Variants in CLASP2 observed in about 807,000 individuals in gnomAD.
CLASP2 encodes the protein CLIP-associating protein 2.
A neutral mutation model predicts 194.4 loss-of-function variants in CLASP2; 47 were observed. The observed-to-expected ratio is 0.24, with a 90% confidence interval of 0.19 to 0.31. CLASP2 has a LOEUF of 0.31. Among genes scored for constraint, CLASP2 ranks in the 10% least tolerant of loss-of-function variants. The pLI is 1.00. For missense variants in CLASP2, 1,445 were observed against 1,823.6 expected (o/e 0.79, Z 3.78); for synonymous variants, 619 against 633.5 (o/e 0.98, Z 0.34).
At chr3:33,585,645 G>A (rs2067193320) in intron 21 of CLASP2, among the ~76,000 whole-genome samples, 1 of 152,076 alleles carries the variant, frequency 6.6e-6, no homozygotes, top group South Asian at 2.1e-4. Flanking sequence ...CTTCTCTAGT[G>A]GTGATTTCTG....
At chr3:33,677,759 TG>T (rs1401616228) in intron 6 of CLASP2, among the ~76,000 whole-genome samples, 3 of 148,482 alleles carry the variant, frequency 2.0e-5, no homozygotes, top group Non-Finnish European at 4.5e-5. Flanking sequence ...GCTTGCTGCC[TG>T]AAAAAAAAAA....
chr3:33,538,101 A>C (rs113169506), intron 33 of CLASP2, among the ~76,000 whole-genome samples: 2 of 151,718 alleles, frequency 1.3e-5, no homozygotes, highest in African/African-American at 4.8e-5. Flanking sequence ...AGATTGCGCC[A>C]CTGCACTCCA....
chr3:33,596,152 C>G (rs933840322), intron 19 of CLASP2, among the ~76,000 whole-genome samples: 1 of 151,758 alleles, frequency 6.6e-6, no homozygotes, highest in Non-Finnish European at 1.5e-5. Flanking sequence ...AGGGTTGTTA[C>G]TGAACCAAGC....
At chr3:33,538,482 T>C (rs139783024) in intron 33 of CLASP2, among the ~76,000 whole-genome samples, 35 of 152,332 alleles carry the variant, frequency 2.3e-4, no homozygotes, top group African/African-American at 8.2e-4. Flanking sequence ...GATTTTGTCG[T>C]ATAAATCTAA....
chr3:33,695,034 T>G (rs2091727007), intron 2 of CLASP2, among the ~76,000 whole-genome samples: 1 of 149,782 alleles, frequency 6.7e-6, no homozygotes, highest in Non-Finnish European at 1.5e-5. Context: ...AGTAAAATAC[T>G]TGCAGAGCAG....
chr3:33,543,133 G>C (rs1340661198), intron 32 of CLASP2, among the ~76,000 whole-genome samples: 2 of 152,156 alleles, frequency 1.3e-5, no homozygotes, highest in Non-Finnish European at 2.9e-5. Context: ...AGCATTTTGG[G>C]AGGCCGAGGC....
intron 5 of CLASP2, among the ~76,000 whole-genome samples, chr3:33,684,975 C>A (rs763030413): frequency 7.0e-6 from 1 of 143,678 alleles, no homozygotes; most frequent in African/African-American, 2.6e-5. Flanking sequence ...GCCCTCCAGG[C>A]TGGGCGACAG....
At chr3:33,553,884 A>C (rs1228808311) in intron 29 of CLASP2, among the ~76,000 whole-genome samples, 2 of 152,192 alleles carry the variant, frequency 1.3e-5, no homozygotes, top group African/African-American at 2.4e-5. Context: ...CAGAACGTGG[A>C]AGTGACATCT....
intron 8 of CLASP2, among the ~76,000 whole-genome samples, chr3:33,637,382 T>C (rs1226274888): frequency 6.6e-6 from 1 of 151,940 alleles, no homozygotes; most frequent in Non-Finnish European, 1.5e-5. Flanking sequence ...AATACAAAAA[T>C]TAGCTGGGCA....
chr3:33,547,789 T>C (rs1259964616), intron 30 of CLASP2, among the ~76,000 whole-genome samples: 1 of 139,286 alleles, frequency 7.2e-6, no homozygotes, highest in Non-Finnish European at 1.6e-5. Flanking sequence ...TTATTTTATG[T>C]ATTTTTTTTT....
At chr3:33,699,995 T>C (rs2092259260) in intron 1 of CLASP2, among the ~76,000 whole-genome samples, 1 of 151,672 alleles carries the variant, frequency 6.6e-6, no homozygotes, top group African/African-American at 2.4e-5. Flanking sequence ...AAACAAAATC[T>C]AATAGAATTC....
At chr3:33,641,148 C>A (rs2081200656) in intron 8 of CLASP2, among the ~76,000 whole-genome samples, 1 of 151,532 alleles carries the variant, frequency 6.6e-6, no homozygotes, top group Non-Finnish European at 1.5e-5. Context: ...TCATTTAAAT[C>A]TCAGAATCTT....
intron 18 of CLASP2, among the ~76,000 whole-genome samples, chr3:33,601,661 G>A (rs1486387178): frequency 6.6e-6 from 1 of 151,912 alleles, no homozygotes; most frequent in African/African-American, 2.4e-5. Context: ...CACCTATTAT[G>A]TTTTCATCAA....
At chr3:33,645,896 T>A (rs1414702124) in intron 7 of CLASP2, among the ~76,000 whole-genome samples, 1 of 150,700 alleles carries the variant, frequency 6.6e-6, no homozygotes. Context: ...ACTAGTATCA[T>A]CTACTTATAT....
At chr3:33,541,110 A>G (rs1034567549) in intron 32 of CLASP2, among the ~76,000 whole-genome samples, 13 of 152,136 alleles carry the variant, frequency 8.5e-5, no homozygotes, top group African/African-American at 3.1e-4. Flanking sequence ...AGAGACAGAA[A>G]TATCATTTGA....
At chr3:33,695,940 G>C (rs1187490319) in intron 2 of CLASP2, among the ~76,000 whole-genome samples, 2 of 152,118 alleles carry the variant, frequency 1.3e-5, no homozygotes, top group Non-Finnish European at 2.9e-5. Flanking sequence ...AGCCAACTTT[G>C]TAATCCTAAT....
intron 35 of CLASP2, among the ~76,000 whole-genome samples, chr3:33,516,650 G>C (rs1215083647): frequency 6.6e-6 from 1 of 151,964 alleles, no homozygotes; most frequent in East Asian, 1.9e-4. Flanking sequence ...CTGGGCTTGA[G>C]AATGAGTGAG....
chr3:33,625,467 C>A (rs995283202), intron 10 of CLASP2, among the ~76,000 whole-genome samples: 1 of 151,014 alleles, frequency 6.6e-6, no homozygotes, highest in Non-Finnish European at 1.5e-5. Context: ...TTATTATGTG[C>A]CTGACATCTA....
intron 13 of CLASP2, 70 bp from the exon 14 acceptor site, chr3:33,608,696 A>G (rs2074427622): frequency 5.3e-6 from 5 of 936,696 alleles, no homozygotes; most frequent in Non-Finnish European, 8.2e-6. Context: ...CTTTTATACT[A>G]CTACACTTTG....
Sources: allele counts gnomAD v4.1 joint callset (sites outside exome capture counted in the v4.1 genomes callset), GRCh38; gene constraint gnomAD v4.1.1; transcripts MANE v1.5; gene names NCBI Gene and HGNC (gene_info 2026-07-23, HGNC 2026-07-21).